Variants in WFDC10A observed in about 807,000 individuals in gnomAD.
The protein encoded by WFDC10A is WAP four-disulfide core domain protein 10A.
In WFDC10A, 2 loss-of-function variants were observed where a neutral mutation model predicts 2.6. The observed-to-expected ratio is 0.76, with a 90% CI of 0.31 to 2.40. The LOEUF (loss-of-function observed/expected upper bound fraction) is 2.40. Ranked by LOEUF, WFDC10A falls within the 30% of genes most tolerant of loss-of-function variation. WFDC10A has a pLI of 0.12. For synonymous variants in WFDC10A, 36 were observed against 36.3 expected (o/e 0.99, Z 0.03); for missense variants, 84 against 91.8 (o/e 0.92, Z 0.35).
At position 45,630,892 on chromosome 20, in the gene WFDC10A, CAA is replaced by C. The variant is rs373484014; in HGVS notation, c.116_117del (p.Lys39SerfsTer7). 3.7e-6 allele frequency: 6 copies of C among 1,604,664 alleles called. No homozygotes were observed. Among genetic ancestry groups the C allele is most frequent in the Middle Eastern group, 1.7e-4 (1 of 5,988 alleles). On this transcript the variant is annotated frameshift_variant, in exon 2 of 2. Transcript: ENST00000372643. LOFTEE classifies it low-confidence loss of function (END_TRUNC). ...CAGAAACACAGCTATCCCCAGAAATCAAAGTCTGCCAGCAGCAGCCTAAACTA... is the reference window on the plus strand; with the variant it reads ...CAGAAACACAGCTATCCCCAGAAATCAGTCTGCCAGCAGCAGCCTAAACTA... Reference protein sequence around the residue: ...MQKTQLSPEIKVCQQQPKLYL... With the variant: ...MQKTQLSPEIXVCQQQPKLYL...
At chr20:45,630,840 G>A (rs758638070) in intron 1 of WFDC10A, 30 bp from the exon 2 acceptor site, 86 of 1,555,924 alleles carry the variant, frequency 5.5e-5, no homozygotes, top group East Asian at 1.6e-4. Flanking sequence ...AGGAAACTGC[G>A]TTTATTTACC....
intron 1 of WFDC10A, 48 bp from the exon 2 acceptor site, chr20:45,630,822 T>G: frequency 6.6e-7 from 1 of 1,508,998 alleles, no homozygotes. Context: ...TTGAGAAAAA[T>G]GTTCTCTAGG....
In WFDC10A at chr20:45,631,120, C is replaced by T; in HGVS notation, c.*102C>T. The T allele has an allele frequency of 2.2e-6, 3 of 1,355,430 alleles. No individual in the cohort carries two copies. The South Asian group carries it at 5.1e-5, about 23-fold the overall frequency. 84.0% of individuals were successfully genotyped at this position (1,355,430 alleles called of 1,614,324 possible). On this transcript the variant is annotated 3_prime_UTR_variant, in exon 2 of 2. Transcript: ENST00000372643. ...GGACCTCAAGTCACCAGCATAAGAA[C>T]ATCAACAGGAATGCCGCCCTCTCTA...
chr20:45,630,037 T>C, intron 1 of WFDC10A, 133 bp downstream of exon 1: 1 of 1,286,112 alleles, frequency 7.8e-7, no homozygotes, highest in Non-Finnish European at 1.1e-6. Context: ...TTGTGTAGAC[T>C]CTGGACTGTC....
Sources: gnomAD v4.1 joint callset for allele counts on GRCh38, gnomAD v4.1.1 for gene constraint, MANE v1.5 for transcripts, NCBI Gene and HGNC (gene_info 2026-07-23, HGNC 2026-07-21) for gene names.